Variants in CNTNAP2 observed in about 807,000 individuals in gnomAD.
CNTNAP2 encodes the protein contactin-associated protein-like 2.
A neutral mutation model predicts 155.2 loss-of-function variants in CNTNAP2; 98 were observed. That is an observed-to-expected ratio of 0.63 (90% CI 0.54 to 0.75). CNTNAP2 has a LOEUF of 0.75. CNTNAP2 is among the 30% of genes least tolerant of loss of function. The pLI is 0.00. For missense variants in CNTNAP2, 1,727 were observed against 1,688.1 expected (o/e 1.02, Z -0.40); for synonymous variants, 651 against 631.2 (o/e 1.03, Z -0.47).
intron 12 of CNTNAP2, among the ~76,000 whole-genome samples, chr7:147,615,364 C>T (rs1801266926): frequency 6.7e-6 from 1 of 148,876 alleles, no homozygotes; most frequent in African/African-American, 2.5e-5. Flanking sequence ...GCCTGTAATC[C>T]CAGCACGTTG....
intron 1 of CNTNAP2, among the ~76,000 whole-genome samples, chr7:146,580,325 GT>G (rs1310464854): frequency 6.6e-6 from 1 of 151,994 alleles, no homozygotes; most frequent in Admixed American, 6.6e-5. Flanking sequence ...ATAATTTAAA[GT>G]TTTTGTTAGT....
At chr7:146,912,411 A>G (rs896910199) in intron 3 of CNTNAP2, among the ~76,000 whole-genome samples, 8 of 152,020 alleles carry the variant, frequency 5.3e-5, no homozygotes, top group African/African-American at 1.7e-4. Context: ...GGAAAATTAC[A>G]TTTTTTATCC....
At chr7:146,297,628 A>G (rs1287744997) in intron 1 of CNTNAP2, among the ~76,000 whole-genome samples, 1 of 152,144 alleles carries the variant, frequency 6.6e-6, no homozygotes, top group Admixed American at 6.6e-5. Flanking sequence ...TAAATATGAT[A>G]AGGATTCCAT....
intron 10 of CNTNAP2, among the ~76,000 whole-genome samples, chr7:147,462,068 T>C (rs535976663): frequency 3.3e-5 from 5 of 151,922 alleles, no homozygotes; most frequent in African/African-American, 1.2e-4. Flanking sequence ...TACCTAATTT[T>C]GCCCACACTG....
At chr7:146,840,079 A>G (rs2537199) in intron 3 of CNTNAP2, among the ~76,000 whole-genome samples, 175 bp downstream of exon 3, 162 of 152,332 alleles carry the variant, frequency 1.1e-3, no homozygotes, top group Non-Finnish European at 1.8e-3. Flanking sequence ...TTTCTATCCA[A>G]TGGTTAAAGC....
chr7:146,905,378 T>C (rs1191576582), intron 3 of CNTNAP2, among the ~76,000 whole-genome samples: 3 of 152,126 alleles, frequency 2.0e-5, no homozygotes, highest in Admixed American at 6.5e-5. Context: ...CACATTCTCA[T>C]CACCTCACCT....
chr7:146,205,260 A>G (rs1374485547), intron 1 of CNTNAP2, among the ~76,000 whole-genome samples: 7 of 151,976 alleles, frequency 4.6e-5, no homozygotes, highest in Non-Finnish European at 8.8e-5. Flanking sequence ...AACCAAGTAA[A>G]TGAATCCCCA....
chr7:147,933,990 T>C (rs1222856087), intron 14 of CNTNAP2, among the ~76,000 whole-genome samples: 1 of 152,244 alleles, frequency 6.6e-6, no homozygotes, highest in Non-Finnish European at 1.5e-5. Flanking sequence ...ATTCCATTTA[T>C]GTGAGGTATC....
intron 4 of CNTNAP2, among the ~76,000 whole-genome samples, chr7:147,045,891 T>TAA (rs1245600686): frequency 3.3e-5 from 5 of 151,960 alleles, no homozygotes; most frequent in Admixed American, 2.0e-4. Context: ...TATATATATA[T>TAA]AATCCTTCAT....
At chr7:146,633,671 T>C (rs1287559662) in intron 1 of CNTNAP2, among the ~76,000 whole-genome samples, 1 of 151,282 alleles carries the variant, frequency 6.6e-6, no homozygotes, top group Non-Finnish European at 1.5e-5. Context: ...CCACTAAAAA[T>C]ACAAAAAACT....
intron 13 of CNTNAP2, among the ~76,000 whole-genome samples, chr7:147,865,535 C>T (rs1171845761): frequency 3.3e-5 from 5 of 152,190 alleles, no homozygotes; most frequent in East Asian, 3.9e-4. Context: ...TGGTAGAATT[C>T]GGCTGTGAAT....
chr7:147,188,177 A>G (rs1387675604), intron 8 of CNTNAP2, among the ~76,000 whole-genome samples: 1 of 152,238 alleles, frequency 6.6e-6, no homozygotes, highest in Non-Finnish European at 1.5e-5. Flanking sequence ...TATAAAAAAT[A>G]GAGTGTGAAT....
intron 9 of CNTNAP2, among the ~76,000 whole-genome samples, chr7:147,317,817 T>TGA (rs1795261854): frequency 6.6e-6 from 1 of 151,824 alleles, no homozygotes; most frequent in Non-Finnish European, 1.5e-5. Flanking sequence ...TATATATGTG[T>TGA]GTGTGTGTGT....
chr7:148,051,130 A>G (rs1003299800), intron 15 of CNTNAP2, among the ~76,000 whole-genome samples: 17 of 152,302 alleles, frequency 1.1e-4, no homozygotes, highest in African/African-American at 4.1e-4. Flanking sequence ...CCTATACACT[A>G]TAAGTTTGTG....
intron 21 of CNTNAP2, among the ~76,000 whole-genome samples, chr7:148,335,494 C>A (rs1373958729): frequency 1.3e-5 from 2 of 152,168 alleles, no homozygotes; most frequent in African/African-American, 4.8e-5. Flanking sequence ...TGATAGCACA[C>A]CTAGCAGAGA....
chr7:146,743,113 A>G (rs1010888507), intron 1 of CNTNAP2, among the ~76,000 whole-genome samples: 4 of 152,180 alleles, frequency 2.6e-5, no homozygotes, highest in Admixed American at 2.0e-4. Context: ...TGTGAAATCC[A>G]GTATTAAGTT....
chr7:147,602,254 T>C (rs955921236), intron 12 of CNTNAP2, among the ~76,000 whole-genome samples: 1 of 152,110 alleles, frequency 6.6e-6, no homozygotes, highest in Non-Finnish European at 1.5e-5. Context: ...CAAGTGTTTA[T>C]TTTTTTCTTT....
At position 146,187,867 on chromosome 7, in the gene CNTNAP2, A is replaced by T. The variant is rs555603059; in HGVS notation, c.97+70894A>T. 1.3e-5 allele frequency among the ~76,000 whole-genome samples: 2 copies of T among 152,152 alleles called. 1 individual carries two copies. The highest frequency in any genetic ancestry group is 1.3e-4 in the Admixed American group (2 of 15,264). On this transcript the variant is annotated intron_variant, in intron 1 of 23. Transcript: ENST00000361727. ...TTCAGTCTGAAAACTATAATAACAA[A>T]TGTGAGGTAGTTTTTCCACAACCCA...
intron 1 of CNTNAP2, among the ~76,000 whole-genome samples, chr7:146,166,260 CT>C (rs1562974436): frequency 6.6e-6 from 1 of 151,882 alleles, no homozygotes; most frequent in Non-Finnish European, 1.5e-5. Flanking sequence ...TGCCTGGGTA[CT>C]TTTGTATTTT....
Sources: allele counts gnomAD v4.1 joint callset (sites outside exome capture counted in the v4.1 genomes callset), GRCh38; gene constraint gnomAD v4.1.1; transcripts MANE v1.5; gene names NCBI Gene and HGNC (gene_info 2026-07-23, HGNC 2026-07-21).